The following ZNF331 variants were observed in gnomAD, a reference collection of about 807,000 sequenced individuals.
The protein encoded by ZNF331 is C2H2-like zinc finger protein rearranged in thyroid adenomas.
A neutral mutation model predicts 7.0 loss-of-function variants in ZNF331; 2 were observed. That is an observed-to-expected ratio of 0.29 (90% CI 0.12 to 0.90). The LOEUF (loss-of-function observed/expected upper bound fraction) is 0.90, where lower values mean the gene tolerates loss of function less well. Ranked by LOEUF, ZNF331 falls within the 40% of genes least tolerant of loss-of-function variation. The pLI, the probability that ZNF331 is intolerant of heterozygous loss-of-function variation, is 0.58. For missense variants in ZNF331, 432 were observed against 587.7 expected (o/e 0.74, Z 2.74); for synonymous variants, 196 against 205.4 (o/e 0.95, Z 0.39).
chr19:53,548,149 C>A (rs186956463), intron 2 of ZNF331, among the ~76,000 whole-genome samples: 1 of 151,562 alleles, frequency 6.6e-6, no homozygotes, highest in Admixed American at 6.6e-5. Flanking sequence ...CCCTCTGTCA[C>A]CCAGGCTGGA....
intron 2 of ZNF331, among the ~76,000 whole-genome samples, chr19:53,531,330 A>G (rs2087531299): frequency 6.6e-6 from 1 of 152,146 alleles, no homozygotes; most frequent in East Asian, 1.9e-4. Flanking sequence ...GGGTTCATAC[A>G]GGGATATCCC....
chr19:53,522,322 C>T (rs571781807), intron 1 of ZNF331, among the ~76,000 whole-genome samples: 9 of 150,196 alleles, frequency 6.0e-5, no homozygotes, highest in African/African-American at 1.2e-4. Context: ...GGTGCGATCT[C>T]GGTTCCCAGG....
chr19:53,575,262 G>A (rs373891230), intron 5 of ZNF331, among the ~76,000 whole-genome samples: 3 of 151,702 alleles, frequency 2.0e-5, no homozygotes, highest in Non-Finnish European at 2.9e-5. Flanking sequence ...TATAATAAAG[G>A]TCTGGTTTCC....
chr19:53,515,096 G>T (rs1044299035), upstream of ZNF331, among the ~76,000 whole-genome samples: 1 of 152,114 alleles, frequency 6.6e-6, no homozygotes, highest in African/African-American at 2.4e-5. Flanking sequence ...TCACTGAACA[G>T]TTAATAAAAA....
rs1282157367 is a variant in ZNF331 at position 53,576,725 on chromosome 19, T to C, written c.165T>C (p.Ser55=). ...LDLESAYENK[S]LPTEKNIHEI... ...TGGAGTCAGCATATGAAAATAAGAG[T>C]TTACCTACAGAAAAAAACATTCATG... The change falls in exon 6 of 6, where the codon AGT becomes AGC. Residue 55 remains serine, a synonymous_variant. Coordinates refer to ENST00000449416, the MANE Select transcript of ZNF331 (RefSeq NM_001079906.2). 10 of 1,610,770 alleles carry C rather than the reference T, an allele frequency of 6.2e-6. No homozygotes were observed. Among genetic ancestry groups the C allele is most frequent in the Non-Finnish European group, 8.5e-6 (10 of 1,178,858 alleles).
chr19:53,553,204 T>C (rs928128725), intron 2 of ZNF331, among the ~76,000 whole-genome samples: 6 of 152,082 alleles, frequency 3.9e-5, no homozygotes, highest in Non-Finnish European at 8.8e-5. Flanking sequence ...TTCTGCAAGA[T>C]TTTCATTTTT....
intron 5 of ZNF331, among the ~76,000 whole-genome samples, chr19:53,574,011 C>CT (rs910761443): frequency 6.6e-5 from 10 of 151,992 alleles, no homozygotes; most frequent in African/African-American, 2.4e-4. Flanking sequence ...ACCCAGGAGA[C>CT]TGAGTGAGGC....
chr19:53,577,663 A>C lies in ZNF331; in HGVS notation c.1103A>C (p.Tyr368Ser). 8.1e-6 allele frequency: 13 copies of C among 1,614,118 alleles called. No homozygotes were observed. The highest frequency in any genetic ancestry group is 1.0e-5 in the Non-Finnish European group (12 of 1,180,026). Residue 368 changes from tyrosine to serine, a missense_variant, in exon 6 of 6, where the codon TAT (tyrosine) becomes TCT (serine). This residue lies in a region of ZNF331 where 312 missense variants were observed against 448.6 expected (regional missense o/e 0.70). Coordinates refer to ENST00000449416, the MANE Select transcript of ZNF331 (RefSeq NM_001079906.2). ...TGTGGGAAGGCCTTCAATTGTGGCT[A>C]TCACCTCACTCAGCACGAGAGAATC... ...TECGKAFNCG[Y>S]HLTQHERIHT...
chr19:53,559,107 TATACACACCATAC>T (rs140743850), intron 3 of ZNF331, among the ~76,000 whole-genome samples: 6,436 of 140,884 alleles, frequency 0.046, 224 homozygotes, highest in South Asian at 0.16. Context: ...GAGACACATA[TATACACACCATAC>T]ATACACACAC....
chr19:53,574,036 G>A (rs928871017), intron 5 of ZNF331, among the ~76,000 whole-genome samples: 17 of 151,964 alleles, frequency 1.1e-4, no homozygotes, highest in African/African-American at 4.1e-4. Context: ...GAATTGCTGG[G>A]ACCTGGGAGG....
At chr19:53,538,562 C>G (rs1243362243) in intron 1 of ZNF331, 3 of 152,798 alleles carry the variant, frequency 2.0e-5, no homozygotes, top group Middle Eastern at 3.4e-3. Flanking sequence ...CACCTCTGCA[C>G]CGTGTGGGGT....
At chr19:53,567,109 A>G (rs971596882) in intron 3 of ZNF331, among the ~76,000 whole-genome samples, 7 of 152,236 alleles carry the variant, frequency 4.6e-5, no homozygotes, top group African/African-American at 1.7e-4. Context: ...GTCTTTAAAT[A>G]TCTTTCTAAC....
At chr19:53,516,793 GATTA>G (rs938239506), upstream of ZNF331, among the ~76,000 whole-genome samples, 7 of 152,210 alleles carry the variant, frequency 4.6e-5, no homozygotes, top group South Asian at 2.1e-4. Flanking sequence ...GCTTATTTTG[GATTA>G]ATTAAAGTGA....
rs891453131 is a variant in ZNF331 at position 53,577,904 on chromosome 19, T to C, written c.1344T>C (p.Cys448=). Residue 448 remains cysteine (C), a synonymous_variant, in exon 6 of 6, where the codon TGT becomes TGC. Coordinates refer to ENST00000449416, the MANE Select transcript of ZNF331 (RefSeq NM_001079906.2). ...SYECKECGKA[C]NHLNHLREHQ... ...AATGTAAGGAGTGCGGGAAGGCATG[T>C]AACCACCTAAACCATCTCCGAGAAC... 9 of 1,613,780 alleles carry C rather than the reference T, an allele frequency of 5.6e-6. No individual in the cohort carries two copies. The Middle Eastern group carries it at 6.6e-4, about 118-fold the overall frequency.
exon 1 of ZNF331, chr19:53,521,281 T>G (rs1447365735): frequency 6.6e-6 from 1 of 151,466 alleles, no homozygotes; most frequent in Non-Finnish European, 1.5e-5. Context: ...ATGAAGAAGC[T>G]TCGGCCTGAG....
At chr19:53,526,255 T>C (rs1028137120) in intron 2 of ZNF331, among the ~76,000 whole-genome samples, 7 of 152,154 alleles carry the variant, frequency 4.6e-5, no homozygotes, top group African/African-American at 1.7e-4. Flanking sequence ...TGCAGTGTCC[T>C]TGTTGGGTTT....
upstream of ZNF331, among the ~76,000 whole-genome samples, chr19:53,534,254 C>T (rs1230708845): frequency 1.3e-5 from 2 of 151,936 alleles, no homozygotes; most frequent in Non-Finnish European, 2.9e-5. Context: ...CCTTTCCCAG[C>T]TTCTAGAGGC....
In ZNF331 at chr19:53,577,039, A is replaced by C; in HGVS notation, c.479A>C (p.Glu160Ala). 2 of 1,613,644 alleles carry C rather than the reference A, an allele frequency of 1.2e-6. No individual in the cohort carries two copies. Among genetic ancestry groups the C allele is most frequent in the South Asian group, 2.2e-5 (2 of 91,070 alleles). The change falls in exon 6 of 6, where the codon GAA becomes GCA. Residue 160 changes from glutamate to alanine, a missense_variant. Around this residue, in one of 3 missense-constraint regions of ZNF331, gnomAD observed 312 missense variants for 448.6 expected, o/e 0.70. Coordinates refer to ENST00000449416, the MANE Select transcript of ZNF331 (RefSeq NM_001079906.2). ...ATCCATACTGGTGAGAAACCTTATG[A>C]ATGTAAAGAATGTAAGAAGGCCTTC... Reference protein sequence around the residue: ...QKIHTGEKPYECKECKKAFRW... With the variant: ...QKIHTGEKPYACKECKKAFRW...
intron 3 of ZNF331, among the ~76,000 whole-genome samples, chr19:53,557,792 T>C (rs1303164571): frequency 6.6e-6 from 1 of 152,160 alleles, no homozygotes; most frequent in Non-Finnish European, 1.5e-5. Flanking sequence ...GGCGTAACCC[T>C]GTCTCTACTA....
Sources: allele counts gnomAD v4.1 joint callset (sites outside exome capture counted in the v4.1 genomes callset), GRCh38; gene constraint gnomAD v4.1.1; regional missense constraint gnomAD v4.1.1; transcripts MANE v1.5; gene names NCBI Gene and HGNC (gene_info 2026-07-23, HGNC 2026-07-21).